Variants in SHB observed in about 807,000 individuals in gnomAD.
The protein encoded by SHB is SH2 domain containing adaptor protein B.
In SHB, 20 loss-of-function variants were observed where a neutral mutation model predicts 52.3. That is an observed-to-expected ratio of 0.38 (90% CI 0.27 to 0.56). The LOEUF is 0.56. Ranked by LOEUF, SHB falls within the 20% of genes least tolerant of loss-of-function variation. The probability of loss-of-function intolerance (pLI) is 0.71; values close to 1 mark genes in which losing one functional copy is unlikely to be tolerated. For missense variants in SHB, 825 were observed against 723.3 expected (o/e 1.14, Z -1.61); for synonymous variants, 397 against 316.5 (o/e 1.25, Z -2.70).
At chr9:37,920,743 G>A (rs1248987565) in intron 5 of SHB, among the ~76,000 whole-genome samples, 1 of 152,172 alleles carries the variant, frequency 6.6e-6, no homozygotes, top group Non-Finnish European at 1.5e-5. Context: ...TTCATCTGGT[G>A]GCACTGAGGA....
At chr9:38,032,742 C>A (rs971090094) in intron 1 of SHB, among the ~76,000 whole-genome samples, 4 of 152,210 alleles carry the variant, frequency 2.6e-5, no homozygotes, top group African/African-American at 9.7e-5. Flanking sequence ...CATACCAAAG[C>A]CAGTGCAGCG....
At chr9:37,964,250 C>A (rs542338487) in intron 3 of SHB, among the ~76,000 whole-genome samples, 2 of 152,328 alleles carry the variant, frequency 1.3e-5, no homozygotes, top group East Asian at 1.9e-4. Flanking sequence ...AGGCGGCCAG[C>A]GACTCACCAC....
chr9:37,921,984 G>T (rs1243448487), intron 5 of SHB, among the ~76,000 whole-genome samples: 1 of 152,254 alleles, frequency 6.6e-6, no homozygotes, highest in Non-Finnish European at 1.5e-5. Context: ...GGGCTGGTAA[G>T]GAGGGGCTGC....
intron 3 of SHB, among the ~76,000 whole-genome samples, chr9:37,956,964 C>T (rs1182198127): frequency 6.6e-6 from 1 of 152,212 alleles, no homozygotes; most frequent in African/African-American, 2.4e-5. Flanking sequence ...CTGCTCAATG[C>T]ACACACAGTA....
Position 37,941,799 on chromosome 9 carries a change from T to C in SHB, c.1346+6836A>G, listed in dbSNP as rs183206000. Among the ~76,000 whole-genome samples, 600 of 152,244 alleles carry C rather than the reference T, an allele frequency of 3.9e-3. 2 individuals carry two copies. Among genetic ancestry groups the C allele is most frequent in the African/African-American group, 0.014 (586 of 41,550 alleles). On this transcript the variant is annotated intron_variant, in intron 5 of 5. Transcript: ENST00000377707. The stretch of plus-strand genomic sequence containing the variant: ...AGGGACCACCCTGGTGGCTCACACA[T>C]GGGAGCAAGCAACCACCACGGAGCT...
chr9:37,928,521 C>T (rs1169246342), intron 5 of SHB, among the ~76,000 whole-genome samples: 1 of 152,176 alleles, frequency 6.6e-6, no homozygotes, highest in Non-Finnish European at 1.5e-5. Flanking sequence ...TAAGAGGAGG[C>T]CAGGGACGCT....
At chr9:37,921,940 G>T (rs1832185437) in intron 5 of SHB, among the ~76,000 whole-genome samples, 1 of 152,230 alleles carries the variant, frequency 6.6e-6, no homozygotes, top group African/African-American at 2.4e-5. Flanking sequence ...GCCCAGCTTT[G>T]CCTGGAGAAG....
intron 3 of SHB, 148 bp downstream of exon 3, chr9:37,974,474 G>T: frequency 1.5e-6 from 1 of 676,578 alleles, no homozygotes; most frequent in Non-Finnish European, 2.5e-6. Flanking sequence ...TTCCTCTGCA[G>T]CCTACATCTG....
At chr9:38,035,378 C>T (rs570592049) in intron 1 of SHB, among the ~76,000 whole-genome samples, 1 of 151,840 alleles carries the variant, frequency 6.6e-6, no homozygotes, top group Non-Finnish European at 1.5e-5. Context: ...AGATCCTTTG[C>T]CACTAGAAAC....
At chr9:38,063,072 A>T (rs755644932) in intron 1 of SHB, among the ~76,000 whole-genome samples, 3 of 152,248 alleles carry the variant, frequency 2.0e-5, no homozygotes, top group African/African-American at 7.2e-5. Context: ...CCTTCTGGGG[A>T]ATCAACCAGG....
At position 37,915,993 on chromosome 9, in the gene SHB, G is replaced by A. The variant is rs1042181676; in HGVS notation, c.*3828C>T. On this transcript the variant is annotated 3_prime_UTR_variant, in exon 6 of 6. Coordinates refer to ENST00000377707, the MANE Select transcript of SHB (RefSeq NM_003028.3). ...ATTTGGAATGTTACAAGAGACTTCA[G>A]CAGTAGGTGGCTGGTTTAAGGCTCC... 6.6e-6 allele frequency among the ~76,000 whole-genome samples: 1 copy of A among 152,220 alleles called. No homozygotes were observed. The highest frequency in any genetic ancestry group is 1.5e-5 in the Non-Finnish European group (1 of 68,042).
chr9:38,005,079 T>A (rs889964820), intron 2 of SHB, among the ~76,000 whole-genome samples: 2 of 152,200 alleles, frequency 1.3e-5, no homozygotes, highest in African/African-American at 4.8e-5. Flanking sequence ...CCCCGGCCTG[T>A]CCTGTCATCC....
At chr9:38,054,507 T>G in intron 1 of SHB, among the ~76,000 whole-genome samples, 1 of 152,174 alleles carries the variant, frequency 6.6e-6, no homozygotes, top group South Asian at 2.1e-4. Flanking sequence ...TCTAGCCTAT[T>G]ACTTCATGCC....
chr9:38,065,644 C>A (rs911807291), intron 1 of SHB, among the ~76,000 whole-genome samples: 1 of 152,194 alleles, frequency 6.6e-6, no homozygotes, highest in Non-Finnish European at 1.5e-5. Flanking sequence ...AACATCTGGA[C>A]AACTTCTCAA....
intron 2 of SHB, among the ~76,000 whole-genome samples, chr9:37,976,947 G>A (rs1449606023): frequency 6.6e-6 from 1 of 152,132 alleles, no homozygotes; most frequent in East Asian, 1.9e-4. Flanking sequence ...GTGGACACAC[G>A]CCACGAAGAA....
At chr9:38,019,889 GA>G (rs1017422934) in intron 1 of SHB, among the ~76,000 whole-genome samples, 4 of 150,844 alleles carry the variant, frequency 2.7e-5, no homozygotes, top group East Asian at 1.9e-4. Flanking sequence ...GCAGCAGGCT[GA>G]AAAAAAAAAT....
chr9:37,943,103 G>A (rs1307293276), intron 5 of SHB, among the ~76,000 whole-genome samples: 1 of 152,114 alleles, frequency 6.6e-6, no homozygotes, highest in Non-Finnish European at 1.5e-5. Flanking sequence ...CATCTCTCTT[G>A]GGCTCAGATG....
At chr9:37,932,392 G>A (rs1383328753) in intron 5 of SHB, among the ~76,000 whole-genome samples, 2 of 151,774 alleles carry the variant, frequency 1.3e-5, no homozygotes, top group Non-Finnish European at 2.9e-5. Context: ...GGTCCTTGGG[G>A]CAGGGTGGGG....
chr9:37,989,061 C>G (rs1004740714), intron 2 of SHB, among the ~76,000 whole-genome samples: 3 of 145,008 alleles, frequency 2.1e-5, no homozygotes, highest in Admixed American at 6.9e-5. Context: ...TTATAAATCT[C>G]TCTGCACATG....
Sources: gnomAD v4.1 joint callset for allele counts (sites outside exome capture counted in the v4.1 genomes callset) on GRCh38, gnomAD v4.1.1 for gene constraint, MANE v1.5 for transcripts, NCBI Gene and HGNC (gene_info 2026-07-23, HGNC 2026-07-21) for gene names.